Variants in GLMN observed in about 807,000 individuals in gnomAD.
The protein encoded by GLMN is glomulin, FKBP associated protein.
GLMN carries 75 observed loss-of-function variants against 87.8 expected under a neutral mutation model. That is an observed-to-expected ratio of 0.85 (90% CI 0.71 to 1.04). The LOEUF (loss-of-function observed/expected upper bound fraction) is 1.04. Ranked by LOEUF, GLMN falls within the 50% of genes least tolerant of loss-of-function variation. The probability of loss-of-function intolerance (pLI) is 0.00; values close to 1 mark genes in which losing one functional copy is unlikely to be tolerated. For synonymous variants in GLMN, 206 were observed against 221.6 expected, an observed-to-expected ratio of 0.93 and a Z score of 0.63; for missense variants, 588 against 658.8, an observed-to-expected ratio of 0.89 and a Z score of 1.18.
At chr1:92,368,245 G>T in the GLMN span, among the ~76,000 whole-genome samples, 4 of 152,268 alleles carry the variant, frequency 2.6e-5, no homozygotes, top group East Asian at 7.7e-4. Flanking sequence ...TAGGCGTGGT[G>T]GTGGGCACCT....
chr1:92,260,931 A>G (rs1654973915), intron 16 of GLMN, among the ~76,000 whole-genome samples: 1 of 152,204 alleles, frequency 6.6e-6, no homozygotes, highest in South Asian at 2.1e-4. Flanking sequence ...GCAGAGACCA[A>G]TCTGCTGCCT....
At chr1:92,322,179 C>T in the GLMN span, among the ~76,000 whole-genome samples, 2 of 151,578 alleles carry the variant, frequency 1.3e-5, no homozygotes, top group East Asian at 2.0e-4. Flanking sequence ...CTCCTGACCT[C>T]AGGTGACCCA....
At chr1:92,274,773 T>C (rs1159674150) in intron 7 of GLMN, among the ~76,000 whole-genome samples, 6 of 152,188 alleles carry the variant, frequency 3.9e-5, no homozygotes, top group African/African-American at 1.4e-4. Context: ...TAAACTCCAA[T>C]ATCCCATTTT....
At chr1:92,359,481 G>A in the GLMN span, among the ~76,000 whole-genome samples, 7 of 152,276 alleles carry the variant, frequency 4.6e-5, no homozygotes, top group African/African-American at 7.2e-5. Flanking sequence ...CACCATGCCC[G>A]TCTAATTTTT....
the GLMN span, among the ~76,000 whole-genome samples, chr1:92,313,311 T>C: frequency 6.6e-6 from 1 of 152,214 alleles, no homozygotes; most frequent in African/African-American, 2.4e-5. Flanking sequence ...TTGAAATTAC[T>C]CCTTGACCCA....
the GLMN span, among the ~76,000 whole-genome samples, chr1:92,344,424 G>C: frequency 6.6e-6 from 1 of 152,048 alleles, no homozygotes; most frequent in Non-Finnish European, 1.5e-5. Flanking sequence ...AATGCTATAC[G>C]ATGTTTGCTT....
intron 3 of GLMN, 150 bp from the exon 4 acceptor site, chr1:92,291,687 G>T: frequency 1.3e-6 from 1 of 761,438 alleles, no homozygotes; most frequent in Non-Finnish European, 2.2e-6. Flanking sequence ...ACTTTCCAGG[G>T]TTGGCTACTA....
chr1:92,337,929 G>T, the GLMN span, among the ~76,000 whole-genome samples: 1 of 152,004 alleles, frequency 6.6e-6, no homozygotes, highest in Admixed American at 6.6e-5. Flanking sequence ...TTCTGTTTTA[G>T]ATTATTTAAA....
chr1:92,343,656 G>A, the GLMN span, among the ~76,000 whole-genome samples: 4 of 151,900 alleles, frequency 2.6e-5, no homozygotes, highest in Non-Finnish European at 5.9e-5. Flanking sequence ...GCCTACTGAC[G>A]GCCAGCCACT....
chr1:92,297,814 G>A (rs1274225089), intron 2 of GLMN, 147 bp downstream of exon 2: 5 of 636,068 alleles, frequency 7.9e-6, no homozygotes, highest in Admixed American at 2.9e-5. Context: ...AATCCAATCT[G>A]CCTCCCCCAC....
chr1:92,266,338 T>C, intron 13 of GLMN, 81 bp downstream of exon 13: 4 of 786,392 alleles, frequency 5.1e-6, no homozygotes, highest in Non-Finnish European at 6.9e-6. Context: ...ACCGACATAC[T>C]ATGCCCTAAA....
chr1:92,266,642 A>G lies in GLMN; in HGVS notation c.1140+58T>C, dbSNP rs756217009. ...AAATTTTTAAAAAGAAAATTAAATT[A>G]TTTGTCAAATTTTCTCACTGTAACT... On this transcript the variant is annotated intron_variant, in intron 12 of 18. Coordinates refer to ENST00000370360, the MANE Select transcript of GLMN (RefSeq NM_053274.3). 8 of 1,320,284 alleles carry G rather than the reference A, an allele frequency of 6.1e-6. No individual in the cohort carries two copies. In the Admixed American group the frequency reaches 1.1e-4, roughly 18 times the overall value. 81.8% of individuals were successfully genotyped at this position (1,320,284 alleles called of 1,614,324 possible). A position where few individuals can be genotyped will look rare whatever the true frequency, so the allele number is the denominator to read the frequency against.
At chr1:92,345,081 T>G in the GLMN span, among the ~76,000 whole-genome samples, 1 of 152,198 alleles carries the variant, frequency 6.6e-6, no homozygotes, top group Admixed American at 6.5e-5. Flanking sequence ...AAAGACCTAT[T>G]CTTATAATTT....
chr1:92,368,393 A>AG, the GLMN span, among the ~76,000 whole-genome samples: 1 of 152,166 alleles, frequency 6.6e-6, no homozygotes, highest in African/African-American at 2.4e-5. Flanking sequence ...AAAGAAAAAA[A>AG]TCCAAGTTCG....
chr1:92,321,819 T>C, the GLMN span, among the ~76,000 whole-genome samples: 8 of 152,238 alleles, frequency 5.3e-5, no homozygotes, highest in Admixed American at 1.3e-4. Flanking sequence ...GAATTTTCTG[T>C]ACAACAATCA....
intron 2 of GLMN, 140 bp from the exon 3 acceptor site, chr1:92,297,669 C>A: frequency 2.6e-6 from 2 of 758,962 alleles, no homozygotes; most frequent in Non-Finnish European, 4.3e-6. Flanking sequence ...AAATAACACA[C>A]GTATCAAAAT....
At chr1:92,310,982 A>G in the GLMN span, among the ~76,000 whole-genome samples, 1 of 152,238 alleles carries the variant, frequency 6.6e-6, no homozygotes, top group South Asian at 2.1e-4. Flanking sequence ...ATTTTACATT[A>G]TCTCATATAT....
chr1:92,331,963 G>A, the GLMN span, among the ~76,000 whole-genome samples: 4 of 151,776 alleles, frequency 2.6e-5, no homozygotes, highest in Middle Eastern at 6.8e-3. Flanking sequence ...TTGTCTTTTG[G>A]CTTACATTTG....
intron 3 of GLMN, among the ~76,000 whole-genome samples, chr1:92,295,675 G>C (rs750061730): frequency 1.3e-5 from 2 of 152,142 alleles, no homozygotes; most frequent in Non-Finnish European, 2.9e-5. Flanking sequence ...GAGCAGAGTG[G>C]TTAGGAGCTC....
Sources: allele counts gnomAD v4.1 joint callset (sites outside exome capture counted in the v4.1 genomes callset), GRCh38; gene constraint gnomAD v4.1.1; transcripts MANE v1.5; gene names NCBI Gene and HGNC (gene_info 2026-07-23, HGNC 2026-07-21).